Variants in PCDHGA6 observed in about 807,000 individuals in gnomAD.
The protein encoded by PCDHGA6 is protocadherin gamma-A6.
PCDHGA6 carries 41 observed loss-of-function variants against 60.6 expected under a neutral mutation model. That is an observed-to-expected ratio of 0.68 (90% CI 0.53 to 0.88). The LOEUF is 0.88. Among genes scored for constraint, PCDHGA6 ranks in the 40% least tolerant of loss-of-function variants. The probability of loss-of-function intolerance (pLI) is 0.00; values close to 1 mark genes in which losing one functional copy is unlikely to be tolerated. For missense variants in PCDHGA6, 1,312 were observed against 1,203.0 expected (o/e 1.09, Z -1.34); for synonymous variants, 594 against 524.4 (o/e 1.13, Z -1.81).
At chr5:141,455,292 G>A (rs2098818902) in intron 1 of PCDHGA6, among the ~76,000 whole-genome samples, 1 of 152,068 alleles carries the variant, frequency 6.6e-6, no homozygotes, top group East Asian at 1.9e-4. Context: ...ACTTTACATA[G>A]TTTCATCTTG....
rs1241912384 is a variant in PCDHGA6 at position 141,404,765 on chromosome 5, T to C, written c.2424+28258T>C. ...AGACTCAGGCCAGAATGCTTGGCTC[T>C]CCTACCGCCTATTCAAGGCCAGTGA... On this transcript the variant is annotated intron_variant, in intron 1 of 3. Coordinates refer to ENST00000517434, the MANE Select transcript of PCDHGA6 (RefSeq NM_018919.3). 2.5e-6 allele frequency: 4 copies of C among 1,613,120 alleles called. No individual in the cohort carries two copies. The Admixed American group carries it at 6.7e-5, about 27-fold the overall frequency.
At chr5:141,387,637 G>C in intron 1 of PCDHGA6, 1 of 603,262 alleles carries the variant, frequency 1.7e-6, no homozygotes, top group Non-Finnish European at 2.8e-6. Flanking sequence ...GGGCGCCGCT[G>C]TTGGCCAAAG....
chr5:141,420,244 C>A lies in PCDHGA6; in HGVS notation c.2424+43737C>A, dbSNP rs755775597. On this transcript the variant is annotated intron_variant, in intron 1 of 3. Coordinates refer to ENST00000517434, the MANE Select transcript of PCDHGA6 (RefSeq NM_018919.3). ...TACTGGCTAGCATTTTAACTCCCAGCGTTGAAGCAGATAAGAAGATTCTTA... is the reference window on the plus strand; with the variant it reads ...TACTGGCTAGCATTTTAACTCCCAGAGTTGAAGCAGATAAGAAGATTCTTA... 83 of 1,584,438 alleles carry A rather than the reference C, an allele frequency of 5.2e-5. 1 individual carries two copies. The South Asian group carries it at 9.4e-4, about 18-fold the overall frequency.
intron 1 of PCDHGA6, chr5:141,387,764 A>T: frequency 7.0e-7 from 1 of 1,430,464 alleles, no homozygotes; most frequent in Non-Finnish European, 9.3e-7. Context: ...AAAAAGAAGA[A>T]TTTTTTCTTG....
At chr5:141,385,488 T>C in intron 1 of PCDHGA6, 1 of 1,400,248 alleles carries the variant, frequency 7.1e-7, no homozygotes, top group Non-Finnish European at 9.3e-7. Context: ...ATAGAACACA[T>C]AGGATATAGT....
intron 1 of PCDHGA6, chr5:141,478,331 G>C: frequency 6.2e-7 from 1 of 1,613,956 alleles, no homozygotes; most frequent in Non-Finnish European, 8.5e-7. Context: ...CCGAACACCA[G>C]GGCCCTCCTT....
chr5:141,431,697 G>T lies in PCDHGA6; in HGVS notation c.2424+55190G>T, dbSNP rs1303639699. 6.2e-7 allele frequency: 1 copy of T among 1,614,206 alleles called. No homozygotes were observed. Among genetic ancestry groups the T allele is most frequent in the Admixed American group, 1.7e-5 (1 of 60,024 alleles). ...GGGGAGTTGGACCACGAGGAGTCAG[G>T]ATTCTACCAGATGGAAGTGCAAGCA... On this transcript the variant is annotated intron_variant, in intron 1 of 3. Transcript: ENST00000517434. This position sits in a 1 kb window ranked among gnomAD's most constrained non-coding sequence, Gnocchi z 4.8.
At chr5:141,416,859 G>C (rs1411419006) in intron 1 of PCDHGA6, 1 of 151,936 alleles carries the variant, frequency 6.6e-6, no homozygotes, top group African/African-American at 2.4e-5. Context: ...ATTTTTTTCA[G>C]GTCAGTCAAC....
chr5:141,408,555 A>G, intron 1 of PCDHGA6: 1 of 1,614,052 alleles, frequency 6.2e-7, no homozygotes, highest in South Asian at 1.1e-5. Flanking sequence ...AATATTTTTC[A>G]TGTCATTGTG....
At chr5:141,483,186 A>G (rs2099578047) in intron 1 of PCDHGA6, among the ~76,000 whole-genome samples, 1 of 152,174 alleles carries the variant, frequency 6.6e-6, no homozygotes, top group Non-Finnish European at 1.5e-5. Flanking sequence ...CAAGCCAAGG[A>G]GTTTTTATTT....
intron 1 of PCDHGA6, chr5:141,393,324 C>T: frequency 6.2e-7 from 1 of 1,611,210 alleles, no homozygotes; most frequent in Admixed American, 1.7e-5. Context: ...CCAGAGCTAC[C>T]AGCTCAGCCC....
At chr5:141,436,256 C>T (rs953463822) in intron 1 of PCDHGA6, among the ~76,000 whole-genome samples, 1 of 152,100 alleles carries the variant, frequency 6.6e-6, no homozygotes, top group South Asian at 2.1e-4. Context: ...TTATTCTGAC[C>T]TCTGCTCACC....
At chr5:141,393,890 T>C (rs1207998765) in intron 1 of PCDHGA6, 2 of 1,613,958 alleles carry the variant, frequency 1.2e-6, no homozygotes, top group South Asian at 2.2e-5. Flanking sequence ...TGTTAGAAAA[T>C]TCTCTTCCCG....
intron 1 of PCDHGA6, among the ~76,000 whole-genome samples, chr5:141,467,008 A>AT (rs1165146249): frequency 6.7e-6 from 1 of 150,270 alleles, no homozygotes; most frequent in Non-Finnish European, 1.5e-5. Context: ...TTGCAATGCA[A>AT]TTTTTTTCCC....
intron 1 of PCDHGA6, among the ~76,000 whole-genome samples, chr5:141,465,576 C>T (rs1002696285): frequency 6.6e-6 from 1 of 152,136 alleles, no homozygotes; most frequent in Non-Finnish European, 1.5e-5. Context: ...TCTCAAAACA[C>T]TCTCATAATA....
intron 1 of PCDHGA6, among the ~76,000 whole-genome samples, chr5:141,454,476 A>G (rs918910449): frequency 6.6e-6 from 1 of 151,806 alleles, no homozygotes; most frequent in Non-Finnish European, 1.5e-5. Flanking sequence ...GCATGATCTC[A>G]GCTCACCGCA....
chr5:141,468,180 C>T (rs1053758210), intron 1 of PCDHGA6, among the ~76,000 whole-genome samples: 4 of 151,744 alleles, frequency 2.6e-5, no homozygotes, highest in Non-Finnish European at 5.9e-5. Context: ...GAAAAATTTG[C>T]TGGGCATGGT....
intron 1 of PCDHGA6, among the ~76,000 whole-genome samples, chr5:141,465,839 G>A (rs1166392052): frequency 6.6e-6 from 1 of 151,400 alleles, no homozygotes; most frequent in Non-Finnish European, 1.5e-5. Context: ...AATTTCAACT[G>A]AGGCTGGGCC....
intron 2 of PCDHGA6, among the ~76,000 whole-genome samples, chr5:141,499,384 A>G (rs2099791576): frequency 6.6e-6 from 1 of 152,200 alleles, no homozygotes. Context: ...TTTTCCACTT[A>G]TAAAATAGTA....
Sources: allele counts gnomAD v4.1 joint callset (sites outside exome capture counted in the v4.1 genomes callset), GRCh38; gene constraint gnomAD v4.1.1; non-coding constraint Gnocchi (gnomAD v3.1); transcripts MANE v1.5; gene names NCBI Gene and HGNC (gene_info 2026-07-23, HGNC 2026-07-21).